Variants in DNAH8 observed in about 807,000 individuals in gnomAD.
DNAH8 encodes dynein axonemal heavy chain 8, also known as axonemal beta dynein heavy chain 8.
In DNAH8, 382 loss-of-function variants were observed where a neutral mutation model predicts 562.1. The observed-to-expected ratio is 0.68, with a 90% CI of 0.63 to 0.74. The LOEUF (loss-of-function observed/expected upper bound fraction) is 0.74, where lower values mean the gene tolerates loss of function less well. Among genes scored for constraint, DNAH8 ranks in the 30% least tolerant of loss-of-function variants. The probability of loss-of-function intolerance (pLI) is 0.00; values close to 1 mark genes in which losing one functional copy is unlikely to be tolerated. For synonymous variants in DNAH8, 1,881 were observed against 1,919.4 expected (o/e 0.98, Z 0.52); for missense variants, 5,203 against 5,620.4 (o/e 0.93, Z 2.37).
At chr6:38,741,592 T>A in intron 7 of DNAH8, 119 bp from the exon 8 acceptor site, 1 of 802,202 alleles carries the variant, frequency 1.2e-6, no homozygotes, top group Non-Finnish European at 1.9e-6. Context: ...TGAGAGTTTT[T>A]AAACATTATT....
At position 38,909,043 on chromosome 6, in the gene DNAH8, C is replaced by A. The variant is rs548011232; in HGVS notation, c.9514-475C>A. On this transcript the variant is annotated intron_variant, in intron 64 of 92. Transcript: ENST00000327475. The stretch of plus-strand genomic sequence containing the variant: ...TTGCCAAAAAGCTCTTATTTATAAT[C>A]AATAGAATTTTGTCTCTGTACTTTT... 2.6e-5 allele frequency among the ~76,000 whole-genome samples: 4 copies of A among 152,270 alleles called. No homozygotes were observed. In the East Asian group the frequency reaches 5.8e-4, roughly 22 times the overall value.
chr6:38,968,033 A>G (rs1166156885), intron 82 of DNAH8, among the ~76,000 whole-genome samples: 2 of 152,184 alleles, frequency 1.3e-5, no homozygotes, highest in Non-Finnish European at 2.9e-5. Context: ...TTCTAAGACC[A>G]TGCAATGTTG....
chr6:38,895,167 G>A (rs1177622731), intron 59 of DNAH8, among the ~76,000 whole-genome samples: 1 of 152,078 alleles, frequency 6.6e-6, no homozygotes, highest in African/African-American at 2.4e-5. Flanking sequence ...TTGAACTCCT[G>A]ACCTCAGGAG....
At chr6:38,898,415 A>T in intron 61 of DNAH8, 35 bp downstream of exon 61, 2 of 1,485,266 alleles carry the variant, frequency 1.3e-6, no homozygotes, top group East Asian at 2.5e-5. Flanking sequence ...ATATAAATAG[A>T]TGATTTAAAA....
At chr6:38,971,569 G>C (rs201227393) in intron 82 of DNAH8, 23 bp from the exon 83 acceptor site, 1 of 1,458,198 alleles carries the variant, frequency 6.9e-7, no homozygotes, top group Non-Finnish European at 9.2e-7. Context: ...TTTCATCATA[G>C]TGAACTTTCT....
chr6:38,899,292 T>C (rs931000175), intron 61 of DNAH8, among the ~76,000 whole-genome samples: 7 of 152,190 alleles, frequency 4.6e-5, no homozygotes, highest in Non-Finnish European at 1.0e-4. Context: ...CCACTGTAAA[T>C]AGAATTATGG....
chr6:38,974,562 G>A (rs774532482), intron 85 of DNAH8, 33 bp downstream of exon 85: 1 of 1,595,144 alleles, frequency 6.3e-7, no homozygotes, highest in Non-Finnish European at 8.6e-7. Flanking sequence ...ACATTTAGGA[G>A]ATGGCCAGTG....
chr6:38,917,184 A>G (rs1781368248), intron 68 of DNAH8, 55 bp from the exon 69 acceptor site: 5 of 1,217,228 alleles, frequency 4.1e-6, no homozygotes, highest in South Asian at 3.8e-5. Context: ...AGATTTCCAT[A>G]TAACTATTAA....
chr6:38,733,316 T>G (rs1432147024), intron 4 of DNAH8, among the ~76,000 whole-genome samples: 51 of 146,418 alleles, frequency 3.5e-4, no homozygotes, highest in Admixed American at 3.5e-3. Flanking sequence ...ATAGTTTTTC[T>G]AATTAAAAAA....
At chr6:38,760,951 A>G (rs982388751) in intron 10 of DNAH8, among the ~76,000 whole-genome samples, 1 of 151,998 alleles carries the variant, frequency 6.6e-6, no homozygotes, top group African/African-American at 2.4e-5. Flanking sequence ...AGCAATGTAA[A>G]TGGACTAACA....
intron 79 of DNAH8, among the ~76,000 whole-genome samples, chr6:38,944,457 T>G (rs1374997385): frequency 6.6e-6 from 1 of 152,188 alleles, no homozygotes; most frequent in African/African-American, 2.4e-5. Flanking sequence ...ATTTGTGAAC[T>G]GGAAGGAATG....
At chr6:38,818,207 T>A (rs1187425654) in intron 26 of DNAH8, among the ~76,000 whole-genome samples, 1 of 152,136 alleles carries the variant, frequency 6.6e-6, no homozygotes, top group Admixed American at 6.6e-5. Flanking sequence ...TGGGAATTAA[T>A]CCATACAAGA....
chr6:38,922,527 TA>T (rs1366372666), intron 71 of DNAH8, among the ~76,000 whole-genome samples: 2 of 152,204 alleles, frequency 1.3e-5, no homozygotes, highest in African/African-American at 4.8e-5. Context: ...GCTTTTAATA[TA>T]ATTTTTTAAT....
chr6:38,996,970 A>G (rs887188035), intron 88 of DNAH8, among the ~76,000 whole-genome samples: 1 of 148,558 alleles, frequency 6.7e-6, no homozygotes, highest in Non-Finnish European at 1.5e-5. Flanking sequence ...ACCCCTGCCT[A>G]AAATGGGGGA....
At chr6:38,979,218 A>G (rs1424457918) in intron 85 of DNAH8, among the ~76,000 whole-genome samples, 1 of 152,224 alleles carries the variant, frequency 6.6e-6, no homozygotes, top group Non-Finnish European at 1.5e-5. Flanking sequence ...CGTCTCCTTC[A>G]GGCTTATCAT....
At chr6:38,974,103 C>T (rs1763519622) in intron 84 of DNAH8, among the ~76,000 whole-genome samples, 1 of 152,122 alleles carries the variant, frequency 6.6e-6, no homozygotes, top group South Asian at 2.1e-4. Flanking sequence ...GTACCATAAG[C>T]ATATTGTTTT....
At chr6:39,011,818 A>G (rs2150772203) in intron 89 of DNAH8, among the ~76,000 whole-genome samples, 1 of 152,308 alleles carries the variant, frequency 6.6e-6, no homozygotes, top group Middle Eastern at 3.4e-3. Flanking sequence ...TTTCTATGAC[A>G]TTTCTAATAA....
Position 39,030,470 on chromosome 6 carries a change from C to A in DNAH8, c.*78C>A. 7.9e-7 allele frequency: 1 copy of A among 1,265,152 alleles called. No individual in the cohort carries two copies. The highest frequency in any genetic ancestry group is 1.1e-6 in the Non-Finnish European group (1 of 905,340). The allele number at this position is 1,265,152 out of a possible 1,614,324, so 78.4% of individuals were successfully genotyped here. On this transcript the variant is annotated 3_prime_UTR_variant, in exon 93 of 93. Transcript: ENST00000327475. ...TTGAGGGACTCAGTGATGTGTGTGT[C>A]TTTTCTCCCCAGTAATTCCTTAATT...
chr6:38,815,402 T>G (rs1027601742), intron 25 of DNAH8, 66 bp from the exon 26 acceptor site: 59 of 1,273,276 alleles, frequency 4.6e-5, no homozygotes, highest in East Asian at 1.4e-4. Flanking sequence ...GGAATGGAGG[T>G]GGTGAAAATT....
Sources: gnomAD v4.1 joint callset for allele counts (sites outside exome capture counted in the v4.1 genomes callset) on GRCh38, gnomAD v4.1.1 for gene constraint, MANE v1.5 for transcripts, NCBI Gene and HGNC (gene_info 2026-07-23, HGNC 2026-07-21) for gene names.